NSMCE2: variants seen among roughly 807,000 people sequenced by gnomAD.
NSMCE2 encodes the protein E3 SUMO-protein ligase NSE2.
In NSMCE2, 24 loss-of-function variants were observed where a neutral mutation model predicts 23.8. That is an observed-to-expected ratio of 1.01 (90% CI 0.73 to 1.42). NSMCE2 has a LOEUF of 1.42. Ranked by LOEUF, NSMCE2 falls within the 40% of genes most tolerant of loss-of-function variation. The pLI, the probability that NSMCE2 is intolerant of heterozygous loss-of-function variation, is 0.00. For missense variants in NSMCE2, 284 were observed against 296.5 expected (o/e 0.96, Z 0.31); for synonymous variants, 92 against 94.1 (o/e 0.98, Z 0.13).
intron 5 of NSMCE2, among the ~76,000 whole-genome samples, chr8:125,355,220 G>A (rs750269747): frequency 2.6e-5 from 4 of 152,176 alleles, no homozygotes; most frequent in East Asian, 3.9e-4. Context: ...CTATGGAACC[G>A]AAAGGTATGC....
intron 5 of NSMCE2, among the ~76,000 whole-genome samples, chr8:125,235,677 A>G (rs772278782): frequency 1.2e-4 from 19 of 152,222 alleles, no homozygotes; most frequent in Non-Finnish European, 2.5e-4. Flanking sequence ...GTGTTTAAAT[A>G]TACCTTTTTA....
chr8:125,278,667 G>T (rs1827568996), intron 5 of NSMCE2, among the ~76,000 whole-genome samples: 1 of 152,176 alleles, frequency 6.6e-6, no homozygotes, highest in Non-Finnish European at 1.5e-5. Context: ...GTATGCTTTT[G>T]CTTTGGTCAA....
chr8:125,333,701 G>T (rs1243212283), intron 5 of NSMCE2, among the ~76,000 whole-genome samples: 2 of 151,360 alleles, frequency 1.3e-5, no homozygotes, highest in African/African-American at 2.4e-5. Context: ...TTTTAGTAGA[G>T]ACGGGGTTTC....
chr8:125,129,228 G>A (rs748234465), intron 3 of NSMCE2, among the ~76,000 whole-genome samples: 24 of 152,188 alleles, frequency 1.6e-4, no homozygotes, highest in Non-Finnish European at 2.6e-4. Context: ...TTTGGGTAAA[G>A]TTGCAGGTAG....
At chr8:125,101,477 T>C (rs935702027) in intron 1 of NSMCE2, among the ~76,000 whole-genome samples, 1 of 152,240 alleles carries the variant, frequency 6.6e-6, no homozygotes, top group Admixed American at 6.5e-5. Flanking sequence ...TATGTCTATC[T>C]GATTCCATGA....
chr8:125,109,848 A>G (rs1215653447), intron 3 of NSMCE2, among the ~76,000 whole-genome samples: 2 of 151,960 alleles, frequency 1.3e-5, no homozygotes, highest in African/African-American at 4.8e-5. Flanking sequence ...TTTTTCTCTA[A>G]ATTTGTCGAT....
At chr8:125,268,164 G>A (rs1827021484) in intron 5 of NSMCE2, among the ~76,000 whole-genome samples, 1 of 151,906 alleles carries the variant, frequency 6.6e-6, no homozygotes, top group Non-Finnish European at 1.5e-5. Context: ...AGCCTGGGAG[G>A]TCGAGGCTGC....
intron 5 of NSMCE2, among the ~76,000 whole-genome samples, chr8:125,185,274 T>G (rs1823040152): frequency 6.6e-6 from 1 of 152,072 alleles, no homozygotes; most frequent in South Asian, 2.1e-4. Context: ...TTCTCAAAGT[T>G]TTTGGTCTTC....
At chr8:125,150,588 G>A (rs1262215994) in intron 3 of NSMCE2, among the ~76,000 whole-genome samples, 1 of 151,578 alleles carries the variant, frequency 6.6e-6, no homozygotes, top group Non-Finnish European at 1.5e-5. Flanking sequence ...CACCATGTTG[G>A]CCAGGCTGGT....
At chr8:125,251,988 G>T (rs898961568) in intron 5 of NSMCE2, among the ~76,000 whole-genome samples, 1 of 152,180 alleles carries the variant, frequency 6.6e-6, no homozygotes, top group Non-Finnish European at 1.5e-5. Flanking sequence ...TATCACTTTG[G>T]TGATAAACCA....
chr8:125,159,446 C>G (rs1821488026), intron 4 of NSMCE2, among the ~76,000 whole-genome samples: 1 of 152,088 alleles, frequency 6.6e-6, no homozygotes, highest in South Asian at 2.1e-4. Context: ...CTACAGTATT[C>G]AGTATAGTAA....
At chr8:125,338,526 A>C (rs1418801363) in intron 5 of NSMCE2, among the ~76,000 whole-genome samples, 1 of 152,224 alleles carries the variant, frequency 6.6e-6, no homozygotes, top group Non-Finnish European at 1.5e-5. Flanking sequence ...TGGAATAGAA[A>C]ACCAATGGTC....
intron 3 of NSMCE2, among the ~76,000 whole-genome samples, chr8:125,126,058 C>A (rs1207688028): frequency 2.0e-5 from 3 of 152,098 alleles, no homozygotes; most frequent in East Asian, 3.9e-4. Flanking sequence ...GGGTTTTGTT[C>A]ATTATACAAA....
intron 5 of NSMCE2, among the ~76,000 whole-genome samples, chr8:125,349,062 CAG>C (rs1289798313): frequency 2.2e-5 from 3 of 135,842 alleles, no homozygotes; most frequent in African/African-American, 5.6e-5. Context: ...CACACACACA[CAG>C]AGCTCTTAAT....
chr8:125,109,480 T>G (rs1338019962), intron 3 of NSMCE2, among the ~76,000 whole-genome samples: 1 of 152,176 alleles, frequency 6.6e-6, no homozygotes, highest in Admixed American at 6.5e-5. Flanking sequence ...ACAGAAATAC[T>G]GTTTTCCTTA....
intron 5 of NSMCE2, among the ~76,000 whole-genome samples, chr8:125,283,540 G>A (rs929671884): frequency 5.9e-5 from 9 of 152,126 alleles, no homozygotes; most frequent in African/African-American, 2.2e-4. Context: ...AGAATCAAGA[G>A]ATCTTGGTTT....
intron 5 of NSMCE2, among the ~76,000 whole-genome samples, chr8:125,209,330 TA>T (rs1291650789): frequency 6.6e-6 from 1 of 152,206 alleles, no homozygotes; most frequent in Non-Finnish European, 1.5e-5. Flanking sequence ...GTCAACTGGG[TA>T]CTTTCTACAA....
intron 2 of NSMCE2, 65 bp downstream of exon 2, chr8:125,102,211 A>G (rs1818227145): frequency 1.3e-6 from 1 of 771,182 alleles, no homozygotes; most frequent in Admixed American, 2.2e-5. Context: ...CATTTATGAG[A>G]TATTGGATAC....
At chr8:125,361,028 C>T (rs1813521353) in intron 7 of NSMCE2, among the ~76,000 whole-genome samples, 1 of 150,962 alleles carries the variant, frequency 6.6e-6, no homozygotes, top group Non-Finnish European at 1.5e-5. Context: ...AACAATAAGC[C>T]TATTTATTCT....
Sources: gnomAD v4.1 joint callset for allele counts (sites outside exome capture counted in the v4.1 genomes callset) on GRCh38, gnomAD v4.1.1 for gene constraint, MANE v1.5 for transcripts, NCBI Gene and HGNC (gene_info 2026-07-23, HGNC 2026-07-21) for gene names.